KIF3B: variants seen among roughly 807,000 people sequenced by gnomAD.
KIF3B encodes the protein kinesin-like protein KIF3B.
Under a neutral mutation model 74.3 loss-of-function variants are expected in KIF3B, and 38 were observed. The observed-to-expected ratio is 0.51, with a 90% confidence interval of 0.39 to 0.67. KIF3B has a LOEUF of 0.67. KIF3B is among the 30% of genes least tolerant of loss of function. The pLI, the probability that KIF3B is intolerant of heterozygous loss-of-function variation, is 0.00. For missense variants in KIF3B, 649 were observed against 932.0 expected, an observed-to-expected ratio of 0.70 and a Z score of 3.95; for synonymous variants, 326 against 342.5, an observed-to-expected ratio of 0.95 and a Z score of 0.53.
intron 1 of KIF3B, among the ~76,000 whole-genome samples, chr20:32,298,524 T>C (rs1215371347): frequency 6.6e-6 from 1 of 152,238 alleles, no homozygotes; most frequent in African/African-American, 2.4e-5. Context: ...TTCCTGTTTT[T>C]GTTTTTTAAG....
intron 6 of KIF3B, among the ~76,000 whole-genome samples, chr20:32,327,246 C>T (rs2047908123): frequency 6.6e-6 from 1 of 152,090 alleles, no homozygotes; most frequent in Non-Finnish European, 1.5e-5. Context: ...GAAGGATTCT[C>T]ATGCTAAGTC....
At chr20:32,313,011 G>A (rs960096654) in intron 2 of KIF3B, among the ~76,000 whole-genome samples, 1 of 152,078 alleles carries the variant, frequency 6.6e-6, no homozygotes, top group African/African-American at 2.4e-5. Context: ...ACAAGATAAG[G>A]AACACTTCCA....
chr20:32,319,104 C>T (rs551703152), intron 5 of KIF3B, among the ~76,000 whole-genome samples: 2 of 151,644 alleles, frequency 1.3e-5, no homozygotes, highest in South Asian at 4.2e-4. Flanking sequence ...GGGACTATAG[C>T]GGCATGCCAC....
chr20:32,281,830 G>A (rs1011071536), intron 1 of KIF3B, among the ~76,000 whole-genome samples: 1 of 152,220 alleles, frequency 6.6e-6, no homozygotes, highest in African/African-American at 2.4e-5. Flanking sequence ...AGACATGTCA[G>A]AAGGAAGAGC....
intron 1 of KIF3B, among the ~76,000 whole-genome samples, chr20:32,308,663 G>A (rs894570322): frequency 2.6e-5 from 4 of 151,648 alleles, no homozygotes; most frequent in African/African-American, 4.8e-5. Context: ...CATCCACCTC[G>A]TTCTCCCAAA....
At chr20:32,300,836 G>C (rs1240503481) in intron 1 of KIF3B, among the ~76,000 whole-genome samples, 1 of 132,740 alleles carries the variant, frequency 7.5e-6, no homozygotes, top group Non-Finnish European at 1.6e-5. Flanking sequence ...AATTGCTGAG[G>C]ATTTTGTTGT....
chr20:32,312,519 A>G (rs1193826771), intron 2 of KIF3B, among the ~76,000 whole-genome samples: 1 of 152,094 alleles, frequency 6.6e-6, no homozygotes, highest in Non-Finnish European at 1.5e-5. Flanking sequence ...TTCTACATGT[A>G]TATTTCTAAA....
At chr20:32,299,403 A>ATATATATATTTTTTT (rs1555895046) in intron 1 of KIF3B, among the ~76,000 whole-genome samples, 11 of 9,028 alleles carry the variant, frequency 1.2e-3, no homozygotes, top group South Asian at 5.2e-3. Context: ...ATATATATAT[A>ATATATATATTTTTTT]TTTTTTTTTT....
chr20:32,334,421 C>T lies in KIF3B; in HGVS notation c.*3102C>T, dbSNP rs1224471580. 3 of 152,658 alleles carry T rather than the reference C, an allele frequency of 2.0e-5. No individual in the cohort carries two copies. Among genetic ancestry groups the T allele is most frequent in the Non-Finnish European group, 4.4e-5 (3 of 68,070 alleles). The allele number at this position is 152,658 out of a possible 1,614,324, so 9.5% of individuals were successfully genotyped here. On this transcript the variant is annotated 3_prime_UTR_variant, in exon 9 of 9. Transcript: ENST00000375712. Reference sequence around the variant, plus strand: ...CAACTGGGGCGTGGGCCGCTCTCTGCTTTTCCTGTCTGACTCTGACAAGTC... The same window carrying T: ...CAACTGGGGCGTGGGCCGCTCTCTGTTTTTCCTGTCTGACTCTGACAAGTC...
intron 1 of KIF3B, among the ~76,000 whole-genome samples, chr20:32,289,666 T>C (rs2122659751): frequency 6.6e-6 from 1 of 152,320 alleles, no homozygotes; most frequent in East Asian, 1.9e-4. Context: ...TTTCCATTCA[T>C]GGTGGTTATA....
At chr20:32,286,274 T>C (rs2122655935) in intron 1 of KIF3B, among the ~76,000 whole-genome samples, 1 of 152,324 alleles carries the variant, frequency 6.6e-6, no homozygotes, top group Middle Eastern at 3.4e-3. Context: ...TGACATAAAT[T>C]AAACAGAAAC....
At chr20:32,287,869 T>C (rs1161882791) in intron 1 of KIF3B, among the ~76,000 whole-genome samples, 4 of 140,562 alleles carry the variant, frequency 2.8e-5, no homozygotes, top group African/African-American at 1.1e-4. Context: ...CCTCTAAAAG[T>C]ATCTTTTTTT....
At chr20:32,315,317 C>CA (rs2122698661) in intron 2 of KIF3B, among the ~76,000 whole-genome samples, 2 of 152,266 alleles carry the variant, frequency 1.3e-5, no homozygotes, top group East Asian at 3.9e-4. Context: ...CCTCACAAAA[C>CA]AATCTTTTTT....
intron 5 of KIF3B, among the ~76,000 whole-genome samples, chr20:32,325,200 G>C (rs1408302484): frequency 6.6e-6 from 1 of 152,002 alleles, no homozygotes; most frequent in Non-Finnish European, 1.5e-5. Context: ...TGTTGTTGTT[G>C]TTGTTTGAGA....
At position 32,328,937 on chromosome 20, in the gene KIF3B, T is replaced by G. The variant is rs939469656; in HGVS notation, c.1969-1204T>G. On this transcript the variant is annotated intron_variant, in intron 7 of 8. Coordinates refer to ENST00000375712, the MANE Select transcript of KIF3B (RefSeq NM_004798.4). ...AATTAATTTGTTTTGAGATGGAGTC[T>G]CGCTCTGTCGCCCAGGCTGGAGTGC... 2.8e-4 allele frequency among the ~76,000 whole-genome samples: 42 copies of G among 152,306 alleles called. No individual in the cohort carries two copies. In the East Asian group the frequency reaches 7.9e-3, roughly 29 times the overall value.
intron 1 of KIF3B, among the ~76,000 whole-genome samples, chr20:32,292,049 A>G (rs1412390488): frequency 6.6e-6 from 1 of 151,670 alleles, no homozygotes; most frequent in South Asian, 2.1e-4. Flanking sequence ...GATCCTCCCA[A>G]CTTAGCCTCC....
intron 2 of KIF3B, among the ~76,000 whole-genome samples, chr20:32,313,685 G>A (rs934127763): frequency 1.3e-5 from 2 of 150,122 alleles, no homozygotes; most frequent in African/African-American, 4.8e-5. Flanking sequence ...CAGTAAGCGC[G>A]ACTGGCTGTG....
intron 5 of KIF3B, among the ~76,000 whole-genome samples, chr20:32,317,944 A>C (rs1393883765): frequency 2.6e-5 from 4 of 152,174 alleles, no homozygotes; most frequent in African/African-American, 4.8e-5. Flanking sequence ...CCCAGCCCAC[A>C]ATACTGTTTT....
chr20:32,279,332 A>T (rs796885492), intron 1 of KIF3B, among the ~76,000 whole-genome samples: 3 of 152,200 alleles, frequency 2.0e-5, no homozygotes, highest in East Asian at 1.9e-4. Context: ...AACAGTTGCT[A>T]TTATAAGGCC....
Sources: gnomAD v4.1 joint callset for allele counts (sites outside exome capture counted in the v4.1 genomes callset) on GRCh38, gnomAD v4.1.1 for gene constraint, MANE v1.5 for transcripts, NCBI Gene and HGNC (gene_info 2026-07-23, HGNC 2026-07-21) for gene names.